MAP3K2: variants seen among roughly 807,000 people sequenced by gnomAD.
The protein encoded by MAP3K2 is MAP/ERK kinase kinase 2.
Under a neutral mutation model 80.3 loss-of-function variants are expected in MAP3K2, and 24 were observed. The ratio of observed to expected loss-of-function variants is 0.30; its 90% CI spans 0.22 to 0.42. The LOEUF (loss-of-function observed/expected upper bound fraction) is 0.42, where lower values mean the gene tolerates loss of function less well. Ranked by LOEUF, MAP3K2 falls within the 10% of genes least tolerant of loss-of-function variation. The pLI, the probability that MAP3K2 is intolerant of heterozygous loss-of-function variation, is 1.00. For synonymous variants in MAP3K2, 244 were observed against 253.7 expected (o/e 0.96, Z 0.36); for missense variants, 608 against 750.1 (o/e 0.81, Z 2.21).
At chr2:127,313,622 C>T (rs1048141037) in intron 15 of MAP3K2, among the ~76,000 whole-genome samples, 1 of 152,188 alleles carries the variant, frequency 6.6e-6, no homozygotes, top group Non-Finnish European at 1.5e-5. Context: ...CAAATACAAA[C>T]GTGTACACAT....
In MAP3K2 at chr2:127,364,297, GC is replaced by G. The variant is rs1018167489; in HGVS notation, c.-65-21104del. Among the ~76,000 whole-genome samples the G allele has an allele frequency of 3.3e-5, 5 of 152,082 alleles. No homozygotes were observed. Among genetic ancestry groups the G allele is most frequent in the African/African-American group, 1.2e-4 (5 of 41,408 alleles). ...AGAAGCAAATAGATAATCAAAAAAAGCAAAGAGTAGGAGTCAATAGGTTCTG... is the reference window on the plus strand; with the variant it reads ...AGAAGCAAATAGATAATCAAAAAAAGAAAGAGTAGGAGTCAATAGGTTCTG... On this transcript the variant is annotated intron_variant, in intron 1 of 16. Coordinates refer to ENST00000682094, the MANE Select transcript of MAP3K2 (RefSeq NM_001371910.2). This position sits in a 1 kb window ranked among gnomAD's most constrained non-coding sequence, Gnocchi z 4.1.
chr2:127,328,553 CA>C (rs1450847369), intron 7 of MAP3K2, among the ~76,000 whole-genome samples: 1 of 152,168 alleles, frequency 6.6e-6, no homozygotes, highest in African/African-American at 2.4e-5. Flanking sequence ...TTGGGTGTTT[CA>C]AATGTTCTTT....
chr2:127,348,334 G>A (rs557106749), intron 1 of MAP3K2, among the ~76,000 whole-genome samples: 1 of 152,196 alleles, frequency 6.6e-6, no homozygotes, highest in South Asian at 2.1e-4. Context: ...GTTGCAGTGA[G>A]CCCACATTAC....
chr2:127,318,041 AAAACTGCTTTT>A (rs1261601611), intron 13 of MAP3K2, 117 bp downstream of exon 13: 1 of 825,742 alleles, frequency 1.2e-6, no homozygotes, highest in Non-Finnish European at 1.7e-6. Context: ...TATACTAAAG[AAAACTGCTTTT>A]TTTTTTTTTT....
chr2:127,355,134 T>C (rs953719178), intron 1 of MAP3K2, among the ~76,000 whole-genome samples: 3 of 152,144 alleles, frequency 2.0e-5, no homozygotes, highest in African/African-American at 4.8e-5. Flanking sequence ...GAATGTATAC[T>C]TGAAGAAATG....
At chr2:127,362,709 C>T (rs1574002431) in intron 1 of MAP3K2, among the ~76,000 whole-genome samples, 1 of 152,214 alleles carries the variant, frequency 6.6e-6, no homozygotes, top group African/African-American at 2.4e-5. Context: ...TTAGCAATAA[C>T]GGCTGTCAGT....
rs916108781 is a variant in MAP3K2 at position 127,306,538 on chromosome 2, C to T, written c.*1041G>A. 1.3e-5 allele frequency: 2 copies of T among 152,142 alleles called. No homozygotes were observed. Among genetic ancestry groups the T allele is most frequent in the Non-Finnish European group, 2.9e-5 (2 of 68,020 alleles). 9.4% of individuals were successfully genotyped at this position (152,142 alleles called of 1,614,324 possible). ...TAAGAACAAGGGTTTCATCTCCTGACATAACACATAAACATTACTAATTGA... is the reference window on the plus strand; with the variant it reads ...TAAGAACAAGGGTTTCATCTCCTGATATAACACATAAACATTACTAATTGA... On this transcript the variant is annotated 3_prime_UTR_variant, in exon 17 of 17. Coordinates refer to ENST00000682094, the MANE Select transcript of MAP3K2 (RefSeq NM_001371910.2). This position sits in a 1 kb window ranked among gnomAD's most constrained non-coding sequence, Gnocchi z 4.7.
At chr2:127,324,880 T>C (rs1301755518) in intron 9 of MAP3K2, among the ~76,000 whole-genome samples, 1 of 152,190 alleles carries the variant, frequency 6.6e-6, no homozygotes, top group African/African-American at 2.4e-5. Flanking sequence ...AAAATTCACA[T>C]TTTGCAACTT....
intron 5 of MAP3K2, among the ~76,000 whole-genome samples, chr2:127,333,467 A>G (rs577905644): frequency 1.3e-4 from 20 of 152,324 alleles, no homozygotes; most frequent in African/African-American, 4.6e-4. Flanking sequence ...ATATTTATAG[A>G]AGTGGAATAA....
intron 15 of MAP3K2, 45 bp downstream of exon 15, chr2:127,314,709 C>A: frequency 1.4e-6 from 2 of 1,442,126 alleles, no homozygotes; most frequent in Non-Finnish European, 1.9e-6. Context: ...CATTCACATT[C>A]ACTAAGAACT....
chr2:127,344,645 G>T (rs1439089750), intron 1 of MAP3K2, among the ~76,000 whole-genome samples: 4 of 152,158 alleles, frequency 2.6e-5, no homozygotes, highest in African/African-American at 9.7e-5. Context: ...CTGTGTGACA[G>T]AGCAAGACCC....
At chr2:127,333,069 C>G (rs939414039) in intron 5 of MAP3K2, among the ~76,000 whole-genome samples, 3 of 150,832 alleles carry the variant, frequency 2.0e-5, no homozygotes, top group Non-Finnish European at 2.9e-5. Flanking sequence ...GAGGTCAAGG[C>G]TCCAGTAAGC....
chr2:127,377,321 T>TA (rs144012842), intron 1 of MAP3K2, among the ~76,000 whole-genome samples: 1 of 150,774 alleles, frequency 6.6e-6, no homozygotes, highest in African/African-American at 2.4e-5. Flanking sequence ...TTAGCAATTA[T>TA]AAAAAAATGT....
At position 127,301,177 on chromosome 2, in the gene MAP3K2, C is replaced by G. The variant is rs1437828079; in HGVS notation, c.*6402G>C. 1 of 152,182 alleles carries G rather than the reference C, an allele frequency of 6.6e-6. No homozygotes were observed. The highest frequency in any genetic ancestry group is 2.4e-5 in the African/African-American group (1 of 41,444). The allele number at this position is 152,182 out of a possible 1,614,324, so 9.4% of individuals were successfully genotyped here. ...GTTCCAAAATGTCTATGGCACAAAG[C>G]AGACATCAGTCCAGAACCTACTTTT... On this transcript the variant is annotated 3_prime_UTR_variant, in exon 17 of 17. Coordinates refer to ENST00000682094, the MANE Select transcript of MAP3K2 (RefSeq NM_001371910.2).
chr2:127,320,163 G>C (rs1406284226), intron 12 of MAP3K2, among the ~76,000 whole-genome samples: 3 of 152,084 alleles, frequency 2.0e-5, no homozygotes, highest in Admixed American at 6.5e-5. Context: ...AAAAGAGAAA[G>C]CAATTAATAC....
At chr2:127,309,877 T>C (rs1021545718) in intron 15 of MAP3K2, among the ~76,000 whole-genome samples, 4 of 152,146 alleles carry the variant, frequency 2.6e-5, no homozygotes, top group East Asian at 1.9e-4. Context: ...AAGATAGTGT[T>C]TGTCAGGTTC....
intron 1 of MAP3K2, among the ~76,000 whole-genome samples, chr2:127,370,894 C>T (rs895981361): frequency 2.6e-5 from 4 of 152,096 alleles, no homozygotes; most frequent in Non-Finnish European, 5.9e-5. Flanking sequence ...AAAGAGGAAA[C>T]GGAGGTTTTG....
In MAP3K2 at chr2:127,335,816, G is replaced by A. The variant is rs1686355975; in HGVS notation, c.264+54C>T. On this transcript the variant is annotated intron_variant, in intron 5 of 16. Transcript: ENST00000682094. ...GAGTCTTAAAAGCAGTCTCTTAAAC[G>A]AACACATTACTTTTGAAGGTAAGAT... is the stretch of plus-strand genomic sequence containing the variant. The A allele has an allele frequency of 3.1e-6, 3 of 952,452 alleles. No homozygotes were observed. The South Asian group carries it at 4.9e-5, about 16-fold the overall frequency. 59.0% of individuals were successfully genotyped at this position (952,452 alleles called of 1,614,324 possible). A position where few individuals can be genotyped will look rare whatever the true frequency, so the allele number is the denominator to read the frequency against.
intron 1 of MAP3K2, among the ~76,000 whole-genome samples, chr2:127,382,412 GTGTT>G (rs1687263299): frequency 6.6e-6 from 1 of 152,122 alleles, no homozygotes; most frequent in South Asian, 2.1e-4. Flanking sequence ...ATATCTGGAA[GTGTT>G]TATTTCTCCT....
Sources: gnomAD v4.1 joint callset for allele counts (sites outside exome capture counted in the v4.1 genomes callset) on GRCh38, gnomAD v4.1.1 for gene constraint, Gnocchi (gnomAD v3.1) non-coding constraint, MANE v1.5 for transcripts, NCBI Gene and HGNC (gene_info 2026-07-23, HGNC 2026-07-21) for gene names.